The following TSNARE1 variants were observed in gnomAD, a reference collection of about 807,000 sequenced individuals.
TSNARE1 encodes t-SNARE domain containing 1.
A neutral mutation model predicts 62.0 loss-of-function variants in TSNARE1; 49 were observed. That is an observed-to-expected ratio of 0.79 (90% CI 0.63 to 1.00). TSNARE1 has a LOEUF of 1.00. Among genes scored for constraint, TSNARE1 ranks in the 50% least tolerant of loss-of-function variants. The pLI, the probability that TSNARE1 is intolerant of heterozygous loss-of-function variation, is 0.00. For synonymous variants in TSNARE1, 328 were observed against 294.4 expected (o/e 1.11, Z -1.17); for missense variants, 755 against 700.1 (o/e 1.08, Z -0.88).
intron 7 of TSNARE1, among the ~76,000 whole-genome samples, chr8:142,316,839 C>T (rs1337101359): frequency 1.3e-5 from 2 of 151,942 alleles, no homozygotes; most frequent in South Asian, 2.1e-4. Flanking sequence ...GCTGACCACA[C>T]CCAACACGGC....
chr8:142,313,234 G>C (rs1248063152), intron 9 of TSNARE1, among the ~76,000 whole-genome samples: 1 of 152,134 alleles, frequency 6.6e-6, no homozygotes, highest in Non-Finnish European at 1.5e-5. Flanking sequence ...GTGTTTATCT[G>C]CATGTGTCTA....
Position 142,370,897 on chromosome 8 carries a change from C to A in TSNARE1, c.-39-16134G>T, listed in dbSNP as rs946205562. Among the ~76,000 whole-genome samples, 18 of 149,560 alleles carry A rather than the reference C, an allele frequency of 1.2e-4. No homozygotes were observed. In the East Asian group the frequency reaches 3.5e-3, roughly 29 times the overall value. Reference sequence around the variant, plus strand: ...AGAATTCTATACCCAGTGAAAATATCTTCAAAAATGAAGTAGAGAAAAAAA... The same window carrying A: ...AGAATTCTATACCCAGTGAAAATATATTCAAAAATGAAGTAGAGAAAAAAA... On this transcript the variant is annotated intron_variant, in intron 1 of 13. Coordinates refer to ENST00000524325, the MANE Select transcript of TSNARE1 (RefSeq NM_145003.5).
intron 4 of TSNARE1, among the ~76,000 whole-genome samples, chr8:142,339,386 C>G (rs530257575): frequency 2.9e-4 from 44 of 152,062 alleles, no homozygotes; most frequent in African/African-American, 8.4e-4. Flanking sequence ...CTCTGCAGGC[C>G]AGGGAGAATC....
intron 12 of TSNARE1, among the ~76,000 whole-genome samples, chr8:142,238,791 G>A (rs892488604): frequency 9.2e-6 from 1 of 108,492 alleles, no homozygotes; most frequent in Non-Finnish European, 1.8e-5. Flanking sequence ...ACCTGCCCCT[G>A]TACACCCACC....
chr8:142,212,776 C>T (rs1387151591), intron 13 of TSNARE1, among the ~76,000 whole-genome samples: 1 of 131,918 alleles, frequency 7.6e-6, no homozygotes, highest in Non-Finnish European at 1.6e-5. Flanking sequence ...TGGCCCCTCC[C>T]TCTCCCCTCC....
At chr8:142,278,271 G>C (rs1283257127) in intron 11 of TSNARE1, 1 of 985,334 alleles carries the variant, frequency 1.0e-6, no homozygotes, top group East Asian at 1.1e-4. Context: ...ATGGGTCCCA[G>C]CCTCATGCAC....
At chr8:142,223,808 G>C (rs542010355) in intron 13 of TSNARE1, among the ~76,000 whole-genome samples, 4 of 152,350 alleles carry the variant, frequency 2.6e-5, no homozygotes, top group Admixed American at 1.3e-4. Flanking sequence ...AGAGTGGGGA[G>C]ATCATGGATA....
At chr8:142,277,925 A>C in intron 11 of TSNARE1, 1 of 984,970 alleles carries the variant, frequency 1.0e-6, no homozygotes, top group Middle Eastern at 5.2e-4. Flanking sequence ...GCCCCACACC[A>C]CATGTCTATC....
At chr8:142,260,936 C>A (rs1818826171) in intron 12 of TSNARE1, among the ~76,000 whole-genome samples, 1 of 15,762 alleles carries the variant, frequency 6.3e-5, no homozygotes, top group African/African-American at 2.4e-4. Context: ...GGGGAAGCAG[C>A]AAGGCAGGAT....
At chr8:142,323,635 C>G (rs1563913564) in intron 6 of TSNARE1, among the ~76,000 whole-genome samples, 1 of 152,220 alleles carries the variant, frequency 6.6e-6, no homozygotes, top group Non-Finnish European at 1.5e-5. Flanking sequence ...GGTGCCTCAG[C>G]AAGGGCAACA....
At chr8:142,286,664 T>C (rs1822818737) in intron 10 of TSNARE1, among the ~76,000 whole-genome samples, 1 of 152,206 alleles carries the variant, frequency 6.6e-6, no homozygotes, top group Non-Finnish European at 1.5e-5. Flanking sequence ...TCACGGGTTC[T>C]GGAGACCAAG....
chr8:142,271,389 C>T (rs1212280572), intron 12 of TSNARE1: 9 of 1,231,650 alleles, frequency 7.3e-6, no homozygotes, highest in South Asian at 7.2e-5. Context: ...GACAGCAGGG[C>T]GCCCTGCTGC....
At position 142,331,735 on chromosome 8, in the gene TSNARE1, A is replaced by C. The variant is rs1178586121; in HGVS notation, c.823+19T>G. 2.5e-6 allele frequency: 4 copies of C among 1,579,600 alleles called. No individual in the cohort carries two copies. The highest frequency in any genetic ancestry group is 3.4e-6 in the Non-Finnish European group (4 of 1,162,896). On this transcript the variant is annotated intron_variant, in intron 5 of 13. Transcript: ENST00000524325. ...GGTGCCTGGATGGAGGGGCAGGCCC[A>C]GGCCAGACGCACACTCACCACTGGA...
At chr8:142,251,599 G>C (rs1818166542) in intron 12 of TSNARE1, among the ~76,000 whole-genome samples, 1 of 152,194 alleles carries the variant, frequency 6.6e-6, no homozygotes, top group South Asian at 2.1e-4. Context: ...TCACATTCCT[G>C]CCTGGAGACA....
At chr8:142,290,934 T>A (rs1823639935) in intron 10 of TSNARE1, among the ~76,000 whole-genome samples, 1 of 152,150 alleles carries the variant, frequency 6.6e-6, no homozygotes, top group Non-Finnish European at 1.5e-5. Flanking sequence ...GGAAGCCCAG[T>A]GCAGACACAG....
At chr8:142,224,788 G>A (rs1315436316) in intron 13 of TSNARE1, among the ~76,000 whole-genome samples, 2 of 152,140 alleles carry the variant, frequency 1.3e-5, no homozygotes, top group Admixed American at 6.5e-5. Context: ...CTCTGAATGG[G>A]ATGTGTCCAG....
chr8:142,335,750 T>C (rs1056770599), intron 4 of TSNARE1, among the ~76,000 whole-genome samples: 4 of 152,220 alleles, frequency 2.6e-5, no homozygotes, highest in African/African-American at 9.6e-5. Flanking sequence ...CCAGTAGCCA[T>C]CAACCCCTTG....
intron 13 of TSNARE1, among the ~76,000 whole-genome samples, chr8:142,223,196 A>ATT: frequency 7.2e-6 from 1 of 138,828 alleles, no homozygotes; most frequent in African/African-American, 2.8e-5. Context: ...TCACTCGTTC[A>ATT]CTCACTCATA....
At chr8:142,361,000 C>T (rs992206441) in intron 1 of TSNARE1, among the ~76,000 whole-genome samples, 1 of 152,168 alleles carries the variant, frequency 6.6e-6, no homozygotes, top group Non-Finnish European at 1.5e-5. Context: ...CAGATGGGAA[C>T]AGCGTTCCCC....
Sources: gnomAD v4.1 joint callset for allele counts (sites outside exome capture counted in the v4.1 genomes callset) on GRCh38, gnomAD v4.1.1 for gene constraint, MANE v1.5 for transcripts, NCBI Gene and HGNC (gene_info 2026-07-23, HGNC 2026-07-21) for gene names.